CAPN3: variants seen among roughly 807,000 people sequenced by gnomAD.
CAPN3 encodes calpain 3.
CAPN3 carries 88 observed loss-of-function variants against 114.0 expected under a neutral mutation model. That is an observed-to-expected ratio of 0.77 (90% CI 0.65 to 0.92). CAPN3 has a LOEUF of 0.92. Ranked by LOEUF, CAPN3 falls within the 40% of genes least tolerant of loss-of-function variation. CAPN3 has a pLI of 0.00. For synonymous variants in CAPN3, 386 were observed against 382.9 expected (o/e 1.01, Z -0.09); for missense variants, 1,028 against 1,069.0 (o/e 0.96, Z 0.53).
chr15:42,408,189 G>T, intron 15 of CAPN3, 22 bp from the exon 16 acceptor site: 3 of 1,537,718 alleles, frequency 2.0e-6, no homozygotes, highest in Non-Finnish European at 2.7e-6. Context: ...CTTCCTTCCT[G>T]CCTCCTCCCT....
chr15:42,409,250 A>G (rs2054125697), intron 16 of CAPN3, 53 bp from the exon 17 acceptor site: 3 of 1,561,152 alleles, frequency 1.9e-6, no homozygotes, highest in Non-Finnish European at 2.6e-6. Context: ...CTTGCCTCAC[A>G]GGCCTGTGCA....
At chr15:42,370,459 C>G (rs543245549) in intron 1 of CAPN3, among the ~76,000 whole-genome samples, 5 of 152,280 alleles carry the variant, frequency 3.3e-5, no homozygotes, top group African/African-American at 1.2e-4. Context: ...TGCCTACGAC[C>G]CAGTTGTTTC....
At chr15:42,372,280 C>T (rs376704566) in intron 1 of CAPN3, among the ~76,000 whole-genome samples, 2 of 152,138 alleles carry the variant, frequency 1.3e-5, no homozygotes, top group South Asian at 2.1e-4. Context: ...CTGCCTCAGC[C>T]TCCCAAGTAG....
chr15:42,389,333 A>G (rs1028093599), intron 5 of CAPN3, among the ~76,000 whole-genome samples: 4 of 152,222 alleles, frequency 2.6e-5, no homozygotes, highest in African/African-American at 9.6e-5. Context: ...AGTGGAAATC[A>G]GTCCAGAGGC....
At chr15:42,381,905 C>T (rs2053260809) in intron 1 of CAPN3, among the ~76,000 whole-genome samples, 1 of 152,152 alleles carries the variant, frequency 6.6e-6, no homozygotes, top group Non-Finnish European at 1.5e-5. Context: ...ATGTTAGTGT[C>T]CTTCTATACC....
chr15:42,367,458 C>G (rs547874542), intron 1 of CAPN3, among the ~76,000 whole-genome samples: 1 of 152,306 alleles, frequency 6.6e-6, no homozygotes, highest in Non-Finnish European at 1.5e-5. Flanking sequence ...TTCATTCAAT[C>G]TTCAAGTTTA....
At chr15:42,372,481 AT>A (rs2052977029) in intron 1 of CAPN3, among the ~76,000 whole-genome samples, 1 of 152,116 alleles carries the variant, frequency 6.6e-6, no homozygotes, top group African/African-American at 2.4e-5. Context: ...CTTTTGTCAG[AT>A]TTATTCCTAG....
rs1200143868 is a variant in CAPN3, at chr15:42,407,597, G to A, written c.1801-614G>A. On this transcript the variant is annotated intron_variant, in intron 15 of 23. Coordinates refer to ENST00000397163, the MANE Select transcript of CAPN3 (RefSeq NM_000070.3). Reference sequence around the variant, plus strand: ...GCCTGCTTCGGCCTCCTAAAGTGCTGGGATTACAGGCGTGAGCCACCGTGC... The same window carrying A: ...GCCTGCTTCGGCCTCCTAAAGTGCTAGGATTACAGGCGTGAGCCACCGTGC... Among the ~76,000 whole-genome samples the A allele has an allele frequency of 2.0e-5, 3 of 152,046 alleles. No homozygotes were observed. In the East Asian group the frequency reaches 5.8e-4, roughly 29 times the overall value.
At chr15:42,406,205 A>G (rs2054016593) in intron 15 of CAPN3, among the ~76,000 whole-genome samples, 1 of 152,220 alleles carries the variant, frequency 6.6e-6, no homozygotes, top group South Asian at 2.1e-4. Flanking sequence ...GATTAGTACT[A>G]TAACTATCCC....
chr15:42,381,569 C>A (rs756518120), intron 1 of CAPN3, among the ~76,000 whole-genome samples: 2 of 152,150 alleles, frequency 1.3e-5, no homozygotes, highest in Non-Finnish European at 2.9e-5. Flanking sequence ...GAGACAGAGT[C>A]TCACTCTGTC....
intron 1 of CAPN3, among the ~76,000 whole-genome samples, chr15:42,361,861 GCTGT>G (rs1393908350): frequency 2.0e-5 from 3 of 152,326 alleles, no homozygotes; most frequent in Admixed American, 6.5e-5. Context: ...CTTTGCTCAT[GCTGT>G]CTGTCTGCCT....
At chr15:42,411,386 C>T (rs1285691406) in intron 23 of CAPN3, 41 bp downstream of exon 23, 13 of 1,583,838 alleles carry the variant, frequency 8.2e-6, no homozygotes, top group Non-Finnish European at 1.0e-5. Context: ...CACATTAAAA[C>T]TCAAGGTGGA....
In CAPN3 at chr15:42,411,173, C is replaced by G. The variant is rs28364541; in HGVS notation, c.2381-114C>G. ...GGTTACTGGTGATTCTCTGCCTGCA[C>G]ATCTTTGTGCTGATGAGGGACAGCA... On this transcript the variant is annotated intron_variant, in intron 22 of 23. Coordinates refer to ENST00000397163, the MANE Select transcript of CAPN3 (RefSeq NM_000070.3). The G allele has an allele frequency of 0.017, 17,886 of 1,048,208 alleles. 1,051 individuals carry two copies. The highest frequency in any genetic ancestry group is 0.16 in the African/African-American group (10,457 of 64,182). 64.9% of individuals were successfully genotyped at this position (1,048,208 alleles called of 1,614,324 possible).
rs2054150768 is a variant in CAPN3, at chr15:42,409,853, C to T, written c.2050+9C>T. ...CACAGTCGTGAACAAACGTGAGTTG[C>T]TCAAACCAAATGGGGGTGGGGTGGG... On this transcript the variant is annotated intron_variant, in intron 18 of 23. Transcript: ENST00000397163. 10 of 1,425,614 alleles carry T rather than the reference C, an allele frequency of 7.0e-6. No individual in the cohort carries two copies. The highest frequency in any genetic ancestry group is 9.6e-6 in the Non-Finnish European group (10 of 1,042,166). 88.3% of individuals were successfully genotyped at this position (1,425,614 alleles called of 1,614,324 possible). A position where few individuals can be genotyped will look rare whatever the true frequency, so the allele number is the denominator to read the frequency against.
intron 15 of CAPN3, 147 bp downstream of exon 15, chr15:42,406,090 G>T (rs1020466889): frequency 6.5e-6 from 5 of 769,672 alleles, no homozygotes; most frequent in African/African-American, 3.4e-5. Flanking sequence ...TGCTGGGGCC[G>T]AGCGTGCAGT....
Position 42,411,954 on chromosome 15 carries a change from G to C in CAPN3, c.*181G>C. 1 of 1,526,018 alleles carries C rather than the reference G, an allele frequency of 6.6e-7. No homozygotes were observed. The allele number at this position is 1,526,018 out of a possible 1,614,324, so 94.5% of individuals were successfully genotyped here. On this transcript the variant is annotated 3_prime_UTR_variant, in exon 24 of 24. Transcript: ENST00000397163. Reference sequence around the variant, plus strand: ...ACCCATCCTTGATCGGTCATGCCTAGCCTGACCCTTTAGTAAAGCAATGAG... The same window carrying C: ...ACCCATCCTTGATCGGTCATGCCTACCCTGACCCTTTAGTAAAGCAATGAG...
intron 6 of CAPN3, 73 bp downstream of exon 6, chr15:42,390,169 TC>T: frequency 6.4e-7 from 1 of 1,555,590 alleles, no homozygotes; most frequent in Non-Finnish European, 8.9e-7. Flanking sequence ...AGTGTCAGAC[TC>T]CCCTCAGCAG....
At chr15:42,406,323 C>T (rs1029571865) in intron 15 of CAPN3, among the ~76,000 whole-genome samples, 12 of 152,048 alleles carry the variant, frequency 7.9e-5, no homozygotes, top group Non-Finnish European at 1.6e-4. Context: ...GTCCAGAGTC[C>T]GTGTCCTGAA....
At chr15:42,389,411 G>A (rs16973226) in intron 5 of CAPN3, among the ~76,000 whole-genome samples, 19,011 of 152,174 alleles carry the variant, frequency 0.12, 2,829 homozygotes, top group African/African-American at 0.36. Flanking sequence ...AGCTGGCCAC[G>A]TACTTGGCTG....
Sources: gnomAD v4.1 joint callset for allele counts (sites outside exome capture counted in the v4.1 genomes callset) on GRCh38, gnomAD v4.1.1 for gene constraint, MANE v1.5 for transcripts, NCBI Gene and HGNC (gene_info 2026-07-23, HGNC 2026-07-21) for gene names.